The following RC3H2 variants were observed in gnomAD, a reference collection of about 807,000 sequenced individuals.
RC3H2 encodes roquin-2.
RC3H2 carries 31 observed loss-of-function variants against 133.3 expected under a neutral mutation model. The ratio of observed to expected loss-of-function variants is 0.23; its 90% CI spans 0.17 to 0.31. The LOEUF is 0.31. RC3H2 is among the 10% of genes least tolerant of loss of function. The probability of loss-of-function intolerance (pLI) is 1.00; values close to 1 mark genes in which losing one functional copy is unlikely to be tolerated. For missense variants in RC3H2, 1,175 were observed against 1,437.2 expected (o/e 0.82, Z 2.95); for synonymous variants, 517 against 502.2 (o/e 1.03, Z -0.40).
intron 15 of RC3H2, among the ~76,000 whole-genome samples, chr9:122,854,960 CA>C (rs1418978231): frequency 6.6e-6 from 1 of 151,850 alleles, no homozygotes; most frequent in African/African-American, 2.4e-5. Context: ...ACTAAAAATA[CA>C]AAAATTAGCC....
At chr9:122,861,876 G>GT (rs1228293687) in intron 10 of RC3H2, among the ~76,000 whole-genome samples, 8 of 152,170 alleles carry the variant, frequency 5.3e-5, no homozygotes, top group African/African-American at 1.4e-4. Flanking sequence ...AGGTACAAAC[G>GT]TAAGGGTTTA....
rs150641639 is a variant in RC3H2, at chr9:122,900,212, T to C, written c.-67-2636A>G. ...TGAGAAGTTTAATTTCTACCACAAATTGAATTAATACCTTTAAGATATAAA... is the reference window on the plus strand; with the variant it reads ...TGAGAAGTTTAATTTCTACCACAAACTGAATTAATACCTTTAAGATATAAA... On this transcript the variant is annotated intron_variant, in intron 1 of 20. Coordinates refer to ENST00000357244, the MANE Select transcript of RC3H2 (RefSeq NM_001100588.3). Among the ~76,000 whole-genome samples, 1,413 of 152,266 alleles carry C rather than the reference T, an allele frequency of 9.3e-3. 27 individuals carry two copies. Among genetic ancestry groups the C allele is most frequent in the African/African-American group, 0.032 (1,340 of 41,562 alleles).
chr9:122,869,256 G>A (rs1830945639), intron 9 of RC3H2, among the ~76,000 whole-genome samples: 1 of 152,058 alleles, frequency 6.6e-6, no homozygotes, highest in Non-Finnish European at 1.5e-5. Context: ...ACAGAAAGAA[G>A]ACTATACATA....
intron 18 of RC3H2, 89 bp downstream of exon 18, chr9:122,853,863 C>A (rs1423093568): frequency 6.2e-7 from 1 of 1,612,396 alleles, no homozygotes; most frequent in Non-Finnish European, 8.5e-7. Context: ...GATAGGCACA[C>A]CAAAATGCAC....
intron 13 of RC3H2, 36 bp from the exon 14 acceptor site, chr9:122,855,914 G>C (rs758112961): frequency 1.9e-6 from 3 of 1,559,454 alleles, no homozygotes; most frequent in African/African-American, 2.8e-5. Flanking sequence ...CAATTAGTAA[G>C]AAGCTTAAAT....
rs147107729 is a variant in RC3H2, at chr9:122,880,270, C to T, written c.961-145G>A. The T allele has an allele frequency of 1.4e-5, 14 of 985,008 alleles. No homozygotes were observed. The East Asian group carries it at 3.3e-4, about 23-fold the overall frequency. 61.0% of individuals were successfully genotyped at this position (985,008 alleles called of 1,614,324 possible). On this transcript the variant is annotated intron_variant, in intron 6 of 20. Transcript: ENST00000357244. ...GAGTATCAGTGATGAATTAAATTTT[C>T]ACCTCAGAATCTGCCCTATGAAATT...
intron 1 of RC3H2, among the ~76,000 whole-genome samples, chr9:122,904,341 C>T (rs1200475383): frequency 6.6e-6 from 1 of 152,186 alleles, no homozygotes; most frequent in Non-Finnish European, 1.5e-5. Flanking sequence ...GTATCTTAAA[C>T]GGCTGCCTTG....
intron 1 of RC3H2, chr9:122,897,915 G>A (rs980452432): frequency 6.2e-6 from 1 of 162,068 alleles, no homozygotes; most frequent in Admixed American, 6.2e-5. Context: ...AATTACTTTG[G>A]ACTGCTGGGC....
intron 13 of RC3H2, among the ~76,000 whole-genome samples, chr9:122,856,859 C>T (rs2131389999): frequency 6.6e-6 from 1 of 152,246 alleles, no homozygotes; most frequent in Non-Finnish European, 1.5e-5. Flanking sequence ...TTTCCTGAAG[C>T]ATAATTGTAT....
intron 8 of RC3H2, among the ~76,000 whole-genome samples, chr9:122,879,018 A>G (rs921727799): frequency 2.0e-5 from 3 of 150,296 alleles, no homozygotes; most frequent in African/African-American, 7.3e-5. Context: ...CAACCTCCCA[A>G]AGTGCTGGGA....
rs142537235 is a variant in RC3H2, at chr9:122,902,023, G to A, written c.-68+3087C>T. On this transcript the variant is annotated intron_variant, in intron 1 of 20. Transcript: ENST00000357244. ...CGGCTCACTGCAACCTCCGTCTCCC[G>A]GGTTCAAGCGATTCTCCTGCCTCAG... 7.7e-3 allele frequency among the ~76,000 whole-genome samples: 1,147 copies of A among 149,610 alleles called. 13 individuals are homozygous for A. The highest frequency in any genetic ancestry group is 0.027 in the African/African-American group (1,083 of 40,534).
At chr9:122,868,053 C>T (rs377369771) in intron 9 of RC3H2, among the ~76,000 whole-genome samples, 1,433 of 126,492 alleles carry the variant, frequency 0.011, 24 homozygotes, top group South Asian at 0.043. Flanking sequence ...CCAGCCGCTC[C>T]GTCCGGGAGG....
At chr9:122,893,972 C>G (rs1832305873) in intron 2 of RC3H2, among the ~76,000 whole-genome samples, 1 of 151,968 alleles carries the variant, frequency 6.6e-6, no homozygotes, top group Non-Finnish European at 1.5e-5. Context: ...TATAAAAGTT[C>G]AATACAGGCC....
chr9:122,857,991 T>A lies in RC3H2; in HGVS notation c.2386A>T (p.Thr796Ser), dbSNP rs200090982. Residue 796 changes from threonine to serine, a missense_variant, in exon 13 of 21, where the codon ACT becomes TCT. Thr to Ser is a moderately conservative substitution (Grantham distance 58). Transcript: ENST00000357244. ...GGTGACTGTGTTGCCACAGGAAGAG[T>A]TGAAGAGACAAGAGGTGCTTTCTGA... is the stretch of plus-strand genomic sequence containing the variant. The part of the protein sequence containing the change: ...HTQKAPLVSS[T>S]LPVATQSPTP... 3 of 1,613,932 alleles carry A rather than the reference T, an allele frequency of 1.9e-6. No individual in the cohort carries two copies. The African/African-American group carries it at 4.0e-5, about 22-fold the overall frequency.
At chr9:122,884,676 A>G (rs540514948) in intron 4 of RC3H2, among the ~76,000 whole-genome samples, 5 of 152,140 alleles carry the variant, frequency 3.3e-5, no homozygotes, top group Admixed American at 3.3e-4. Context: ...AACATGGTGA[A>G]ACCCCATCTC....
In RC3H2 at chr9:122,845,357, A is replaced by T. The variant is rs1346788693; in HGVS notation, c.*4270T>A. 2 of 152,214 alleles carry T rather than the reference A, an allele frequency of 1.3e-5. No homozygotes were observed. The highest frequency in any genetic ancestry group is 2.9e-5 in the Non-Finnish European group (2 of 68,032). The allele number at this position is 152,214 out of a possible 1,614,324, so 9.4% of individuals were successfully genotyped here. On this transcript the variant is annotated 3_prime_UTR_variant, in exon 21 of 21. Coordinates refer to ENST00000357244, the MANE Select transcript of RC3H2 (RefSeq NM_001100588.3). ...AAATAAAAGCCACATGTGTTGTATCACAACTACAGTATAATTGTTTGCCCA... is the reference window on the plus strand; with the variant it reads ...AAATAAAAGCCACATGTGTTGTATCTCAACTACAGTATAATTGTTTGCCCA...
Position 122,853,970 on chromosome 9 carries a change from A to G in RC3H2, c.3099T>C (p.Ile1033=). 6.2e-7 allele frequency: 1 copy of G among 1,614,212 alleles called. No homozygotes were observed. The highest frequency in any genetic ancestry group is 1.3e-5 in the African/African-American group (1 of 75,058). ...HLTLNLLSKE[I]ELRNGELQSD... The stretch of plus-strand genomic sequence containing the variant: ...TCTTTACCTCTCCATTTCTTAGTTC[A>G]ATTTCCTTGCTTAAAAGGTTTAAGG... Residue 1033 remains isoleucine (I), a synonymous_variant, in exon 18 of 21, where the codon ATT becomes ATC. Coordinates refer to ENST00000357244, the MANE Select transcript of RC3H2 (RefSeq NM_001100588.3).
At chr9:122,855,049 G>A (rs1239748653) in intron 15 of RC3H2, 135 bp downstream of exon 15, 17 of 680,166 alleles carry the variant, frequency 2.5e-5, no homozygotes, top group Admixed American at 8.5e-5. Flanking sequence ...CAGGATGGAG[G>A]TTGCAGTGAG....
In RC3H2 at chr9:122,851,386, A is replaced by G; in HGVS notation, c.3168T>C (p.Asp1056=). Residue 1056 remains aspartate (D), a synonymous_variant, in exon 19 of 21, where the codon GAT becomes GAC. Transcript: ENST00000357244. ...CAAGTGCTGAAAGCTCTAACTCGAT[A>G]TCCCTATCAGGTTTAGTATCTGTTG... ...EDATDTKPDR[D]IELELSALDT... is the part of the protein sequence containing the mutation. The G allele has an allele frequency of 6.2e-7, 1 of 1,614,218 alleles. No individual in the cohort carries two copies. The highest frequency in any genetic ancestry group is 1.1e-5 in the South Asian group (1 of 91,088).
Sources: allele counts gnomAD v4.1 joint callset (sites outside exome capture counted in the v4.1 genomes callset), GRCh38; gene constraint gnomAD v4.1.1; transcripts MANE v1.5; gene names NCBI Gene and HGNC (gene_info 2026-07-23, HGNC 2026-07-21).